The following UNC5C variants were observed in gnomAD, a reference collection of about 807,000 sequenced individuals.
UNC5C encodes the protein unc-5 netrin receptor C.
In UNC5C, 47 loss-of-function variants were observed where a neutral mutation model predicts 99.8. The observed-to-expected ratio is 0.47, with a 90% CI of 0.37 to 0.60. The LOEUF is 0.60. UNC5C is among the 20% of genes least tolerant of loss of function. UNC5C has a pLI of 0.00. For missense variants in UNC5C, 1,062 were observed against 1,165.9 expected, an observed-to-expected ratio of 0.91 and a Z score of 1.30; for synonymous variants, 487 against 452.2, an observed-to-expected ratio of 1.08 and a Z score of -0.98.
chr4:95,469,410 A>AT (rs953752874), intron 1 of UNC5C, among the ~76,000 whole-genome samples: 1 of 152,000 alleles, frequency 6.6e-6, no homozygotes, highest in South Asian at 2.1e-4. Flanking sequence ...CAATGTCTTC[A>AT]TTTTTTTCTC....
chr4:95,295,839 C>A lies in UNC5C; in HGVS notation c.490+5767G>T, dbSNP rs149111083. On this transcript the variant is annotated intron_variant, in intron 3 of 15. Transcript: ENST00000453304. ...GTGGCTCACGCCTATAATCCCAGCA[C>A]TTTGGGAGGCTGAGACAGGCAGATT... Among the ~76,000 whole-genome samples, 9 of 152,294 alleles carry A rather than the reference C, an allele frequency of 5.9e-5. No individual in the cohort carries two copies. In the East Asian group the frequency reaches 1.7e-3, roughly 29 times the overall value.
intron 2 of UNC5C, among the ~76,000 whole-genome samples, chr4:95,327,113 C>A (rs929351501): frequency 6.6e-6 from 1 of 151,916 alleles, no homozygotes; most frequent in African/African-American, 2.4e-5. Context: ...CCACTAAGTC[C>A]CCAACAATAC....
chr4:95,361,529 G>C (rs1744393561), intron 1 of UNC5C, among the ~76,000 whole-genome samples: 1 of 152,190 alleles, frequency 6.6e-6, no homozygotes, highest in African/African-American at 2.4e-5. Flanking sequence ...CAGCATTTAT[G>C]AAAGTGTCTC....
intron 3 of UNC5C, among the ~76,000 whole-genome samples, chr4:95,289,043 T>C (rs567463116): frequency 6.6e-6 from 1 of 152,212 alleles, no homozygotes; most frequent in Non-Finnish European, 1.5e-5. Context: ...CTTACTGAGG[T>C]TGCTATGTTT....
At chr4:95,518,447 AATT>A (rs1722270577) in intron 1 of UNC5C, among the ~76,000 whole-genome samples, 2 of 152,198 alleles carry the variant, frequency 1.3e-5, no homozygotes, top group Admixed American at 6.6e-5. Flanking sequence ...CTGATTTCAT[AATT>A]ATGCTGCAAA....
At chr4:95,331,937 G>C (rs1176195731) in intron 2 of UNC5C, among the ~76,000 whole-genome samples, 1 of 152,002 alleles carries the variant, frequency 6.6e-6, no homozygotes, top group South Asian at 2.1e-4. Context: ...CAGACAAACA[G>C]AGAGCCAAAT....
intron 1 of UNC5C, among the ~76,000 whole-genome samples, chr4:95,473,813 T>C (rs907587753): frequency 6.6e-6 from 1 of 152,128 alleles, no homozygotes; most frequent in African/African-American, 2.4e-5. Context: ...ATGGTAGCTA[T>C]AAATGACTTA....
At chr4:95,444,132 A>G (rs528526233) in intron 1 of UNC5C, among the ~76,000 whole-genome samples, 2 of 152,176 alleles carry the variant, frequency 1.3e-5, no homozygotes, top group South Asian at 4.1e-4. Flanking sequence ...CAGATGGACA[A>G]CAGACTTGAG....
At chr4:95,491,461 C>T (rs756211080) in intron 1 of UNC5C, among the ~76,000 whole-genome samples, 2 of 151,498 alleles carry the variant, frequency 1.3e-5, no homozygotes, top group African/African-American at 4.8e-5. Flanking sequence ...TATATATAGA[C>T]AAGTCAGTAA....
intron 1 of UNC5C, among the ~76,000 whole-genome samples, chr4:95,438,462 T>C (rs1421711076): frequency 1.3e-5 from 2 of 151,878 alleles, no homozygotes; most frequent in African/African-American, 2.4e-5. Context: ...ATAAATAAAA[T>C]GAACACAAAA....
chr4:95,294,791 C>T lies in UNC5C; in HGVS notation c.490+6815G>A, dbSNP rs34069086. Among the ~76,000 whole-genome samples the T allele has an allele frequency of 7.0e-3, 1,065 of 152,240 alleles. 6 individuals are homozygous for T. Among genetic ancestry groups the T allele is most frequent in the Non-Finnish European group, 0.01 (684 of 68,016 alleles). On this transcript the variant is annotated intron_variant, in intron 3 of 15. Coordinates refer to ENST00000453304, the MANE Select transcript of UNC5C (RefSeq NM_003728.4). ...TAAAGTTGTTTAAAATGGTTATATC[C>T]ATTTTTATGAACACCTATTATCATT... is the stretch of plus-strand genomic sequence containing the variant.
chr4:95,170,529 A>C (rs1287752484), intron 14 of UNC5C, among the ~76,000 whole-genome samples, 197 bp from the exon 15 acceptor site: 1 of 152,196 alleles, frequency 6.6e-6, no homozygotes, highest in Non-Finnish European at 1.5e-5. Context: ...ATAGAGGTAC[A>C]TACATTTTGA....
At position 95,445,565 on chromosome 4, in the gene UNC5C, A is replaced by G. The variant is rs57728963; in HGVS notation, c.124+103169T>C. On this transcript the variant is annotated intron_variant, in intron 1 of 15. Transcript: ENST00000453304. ...GATACTCTTGTTTATGTTGCTTTAT[A>G]CCAGCGAATCAAGCAACAAATCGGT... 9.0e-3 allele frequency among the ~76,000 whole-genome samples: 1,377 copies of G among 152,316 alleles called. 27 individuals carry two copies. The highest frequency in any genetic ancestry group is 0.031 in the African/African-American group (1,280 of 41,566).
chr4:95,162,875 G>T lies in UNC5C; in HGVS notation c.*6359C>A, dbSNP rs931879303. ...ACGACAAAGCACAAAACCTCAATCC[G>T]ACCTTTCTGCAGTTGAACTGTTCCA... On this transcript the variant is annotated 3_prime_UTR_variant, in exon 16 of 16. Transcript: ENST00000453304. 6.6e-6 allele frequency: 1 copy of T among 152,194 alleles called. No homozygotes were observed. The highest frequency in any genetic ancestry group is 1.5e-5 in the Non-Finnish European group (1 of 68,028). 9.4% of individuals were successfully genotyped at this position (152,194 alleles called of 1,614,324 possible).
At chr4:95,511,749 T>C (rs1158790299) in intron 1 of UNC5C, among the ~76,000 whole-genome samples, 1 of 152,112 alleles carries the variant, frequency 6.6e-6, no homozygotes, top group Non-Finnish European at 1.5e-5. Flanking sequence ...AAGGGTTTTC[T>C]CGTACATGTG....
chr4:95,370,922 G>A (rs1255055574), intron 1 of UNC5C, among the ~76,000 whole-genome samples: 1 of 152,114 alleles, frequency 6.6e-6, no homozygotes, highest in Admixed American at 6.5e-5. Context: ...GTCTGTAGAG[G>A]GAAAGCTATA....
chr4:95,478,662 T>A (rs1005196035), intron 1 of UNC5C, among the ~76,000 whole-genome samples: 2 of 152,066 alleles, frequency 1.3e-5, no homozygotes, highest in South Asian at 2.1e-4. Flanking sequence ...TTTATTATTT[T>A]GTTTTTTAAC....
At chr4:95,310,687 A>G (rs1477562969) in intron 2 of UNC5C, among the ~76,000 whole-genome samples, 2 of 149,424 alleles carry the variant, frequency 1.3e-5, no homozygotes, top group Admixed American at 6.8e-5. Flanking sequence ...TTTTATGGCC[A>G]TAGTTTTTAG....
At chr4:95,414,022 C>T (rs988657095) in intron 1 of UNC5C, among the ~76,000 whole-genome samples, 4 of 152,188 alleles carry the variant, frequency 2.6e-5, no homozygotes, top group African/African-American at 4.8e-5. Context: ...AGTGGAGGCA[C>T]ATGGGCAACT....
Sources: gnomAD v4.1 joint callset for allele counts (sites outside exome capture counted in the v4.1 genomes callset) on GRCh38, gnomAD v4.1.1 for gene constraint, MANE v1.5 for transcripts, NCBI Gene and HGNC (gene_info 2026-07-23, HGNC 2026-07-21) for gene names.